The following PPM1E variants were observed in gnomAD, a reference collection of about 807,000 sequenced individuals.
PPM1E encodes the protein protein phosphatase, Mg2+/Mn2+ dependent 1E.
Under a neutral mutation model 65.9 loss-of-function variants are expected in PPM1E, and 20 were observed. The ratio of observed to expected loss-of-function variants is 0.30; its 90% confidence interval spans 0.21 to 0.44. PPM1E has a LOEUF of 0.44. Ranked by LOEUF, PPM1E falls within the 20% of genes least tolerant of loss-of-function variation. The pLI is 1.00. For synonymous variants in PPM1E, 352 were observed against 374.9 expected, an observed-to-expected ratio of 0.94 and a Z score of 0.70; for missense variants, 713 against 953.1, an observed-to-expected ratio of 0.75 and a Z score of 3.32.
intron 1 of PPM1E, among the ~76,000 whole-genome samples, chr17:58,818,258 A>G (rs1277785474): frequency 2.0e-5 from 3 of 152,174 alleles, no homozygotes; most frequent in Non-Finnish European, 4.4e-5. Context: ...CATTGTCTTT[A>G]TTTAACAAGT....
At chr17:58,808,807 T>A (rs908588037) in intron 1 of PPM1E, among the ~76,000 whole-genome samples, 1 of 152,096 alleles carries the variant, frequency 6.6e-6, no homozygotes, top group African/African-American at 2.4e-5. Context: ...TTGTTGGCAG[T>A]CACTCCTTGT....
intron 1 of PPM1E, among the ~76,000 whole-genome samples, chr17:58,805,980 A>AAAAAAAAAAAAAAAAAAAAAAC: frequency 9.3e-6 from 1 of 107,966 alleles, no homozygotes; most frequent in African/African-American, 4.2e-5. Context: ...AAAACAAAAA[A>AAAAAAAAAAAAAAAAAAAAAAC]AAAACAAAAC....
At position 58,984,133 on chromosome 17, in the gene PPM1E, T is replaced by G. The variant is rs563291303; in HGVS notation, c.*3102T>G. The G allele has an allele frequency of 5.3e-4, 81 of 152,802 alleles. No homozygotes were observed. Among genetic ancestry groups the G allele is most frequent in the Non-Finnish European group, 7.5e-4 (51 of 68,040 alleles). The allele number at this position is 152,802 out of a possible 1,614,324, so 9.5% of individuals were successfully genotyped here. On this transcript the variant is annotated 3_prime_UTR_variant, in exon 7 of 7. Transcript: ENST00000308249. ...GTGCCATCCATTGTCCTTGAATTAT[T>G]ATGATTAAAGTTACTGTTGCATTTA...
chr17:58,787,905 T>TAA (rs1284840531), intron 1 of PPM1E, among the ~76,000 whole-genome samples: 108 of 114,380 alleles, frequency 9.4e-4, no homozygotes, highest in Non-Finnish European at 1.4e-3. Context: ...AGACTCTGTC[T>TAA]AAAAAAAAAA....
At chr17:58,835,703 C>CA (rs1039718912) in intron 1 of PPM1E, among the ~76,000 whole-genome samples, 8 of 151,364 alleles carry the variant, frequency 5.3e-5, no homozygotes, top group African/African-American at 1.9e-4. Context: ...TCTATCTCTA[C>CA]AAAAAATTTT....
At chr17:58,938,439 A>G (rs899215400) in intron 1 of PPM1E, among the ~76,000 whole-genome samples, 8 of 152,156 alleles carry the variant, frequency 5.3e-5, no homozygotes, top group African/African-American at 1.9e-4. Flanking sequence ...GTGTGTAACT[A>G]TGTATTTTCA....
intron 1 of PPM1E, among the ~76,000 whole-genome samples, chr17:58,885,326 G>T (rs1698197005): frequency 6.6e-6 from 1 of 152,078 alleles, no homozygotes; most frequent in Admixed American, 6.6e-5. Context: ...CAAAGTGTTG[G>T]GATTACAGGC....
rs1203871842 is a variant in PPM1E at position 58,980,896 on chromosome 17, G to A, written c.2133G>A (p.Gly711=). ...GTSLSSLTGS[G]KRNRIRSSLP... ...GCCTGTCCTCACTTACTGGAAGTGG[G>A]AAGAGAAATAGGATAAGAAGTTCTC... The change falls in exon 7 of 7, where the codon GGG becomes GGA. Residue 711 remains glycine (G), a synonymous_variant. Transcript: ENST00000308249. This position sits in a 1 kb window ranked among gnomAD's most constrained non-coding sequence, Gnocchi z 4.7. The A allele has an allele frequency of 6.2e-7, 1 of 1,614,226 alleles. No individual in the cohort carries two copies. The highest frequency in any genetic ancestry group is 1.1e-5 in the South Asian group (1 of 91,084).
At chr17:58,805,985 C>CAAAA (rs1217000216) in intron 1 of PPM1E, among the ~76,000 whole-genome samples, 1 of 77,478 alleles carries the variant, frequency 1.3e-5, no homozygotes, top group Non-Finnish European at 2.4e-5. Context: ...AAAAAAAAAA[C>CAAAA]AAAACAAAAC....
At chr17:58,958,018 C>T (rs918855971) in intron 2 of PPM1E, among the ~76,000 whole-genome samples, 1 of 151,950 alleles carries the variant, frequency 6.6e-6, no homozygotes, top group African/African-American at 2.4e-5. Flanking sequence ...TGGCATGCAC[C>T]CGTAGCCCCA....
intron 1 of PPM1E, among the ~76,000 whole-genome samples, chr17:58,851,187 T>C (rs921789539): frequency 2.4e-4 from 36 of 152,186 alleles, no homozygotes; most frequent in Non-Finnish European, 2.6e-4. Context: ...TAATCTTTTT[T>C]CAAGGTTTTT....
chr17:58,824,843 C>T (rs1023571595), intron 1 of PPM1E, among the ~76,000 whole-genome samples: 2 of 151,220 alleles, frequency 1.3e-5, no homozygotes, highest in African/African-American at 2.4e-5. Context: ...CTCCTGACCT[C>T]GTGATCCGCC....
intron 1 of PPM1E, among the ~76,000 whole-genome samples, chr17:58,919,558 G>A (rs2051725578): frequency 6.6e-6 from 1 of 152,106 alleles, no homozygotes; most frequent in Non-Finnish European, 1.5e-5. Flanking sequence ...GGCCGAGATG[G>A]GAGGATCACC....
At chr17:58,763,295 A>G (rs1454139889) in intron 1 of PPM1E, among the ~76,000 whole-genome samples, 2 of 152,098 alleles carry the variant, frequency 1.3e-5, no homozygotes, top group Non-Finnish European at 2.9e-5. Flanking sequence ...AGGCATCAAC[A>G]TTTATCCAGC....
At chr17:58,856,761 A>C (rs993151075) in intron 1 of PPM1E, among the ~76,000 whole-genome samples, 8 of 152,214 alleles carry the variant, frequency 5.3e-5, no homozygotes, top group Non-Finnish European at 1.2e-4. Context: ...GAGAGGCTTC[A>C]ATAAATCAAC....
At position 58,756,084 on chromosome 17, in the gene PPM1E, C is replaced by CGAGCCG. The variant is rs773210434; in HGVS notation, c.96_101dup (p.Pro43_Glu44dup). Reference sequence around the variant, plus strand: ...AGTTTCGCGGACCGTGCGGCGGCGGCGAGCCGGAGCCGGAACCCGAACCCG... The same window carrying CGAGCCG: ...AGTTTCGCGGACCGTGCGGCGGCGGCGAGCCGGAGCCGGAGCCGGAACCCGAACCCG... On this transcript the variant is annotated inframe_insertion, in exon 1 of 7. Coordinates refer to ENST00000308249, the MANE Select transcript of PPM1E (RefSeq NM_014906.5). The CGAGCCG allele has an allele frequency of 2.4e-5, 38 of 1,593,964 alleles. No homozygotes were observed. The highest frequency in any genetic ancestry group is 3.0e-5 in the Non-Finnish European group (35 of 1,173,340).
At chr17:58,778,927 C>T (rs866066566) in intron 1 of PPM1E, among the ~76,000 whole-genome samples, 12 of 103,702 alleles carry the variant, frequency 1.2e-4, no homozygotes, top group South Asian at 3.1e-4. Context: ...ATGATACATA[C>T]ATATATATAT....
At chr17:58,859,941 C>G (rs944276354) in intron 1 of PPM1E, among the ~76,000 whole-genome samples, 4 of 152,174 alleles carry the variant, frequency 2.6e-5, no homozygotes, top group Non-Finnish European at 5.9e-5. Flanking sequence ...TTTATGATAG[C>G]TCAGGTTTCC....
chr17:58,955,673 T>C lies in PPM1E; in HGVS notation c.489T>C (p.Ala163=), dbSNP rs150678534. ...YKYNCPSFLA[A]ALARATSDEV... ...GTAATTGCCCTTCCTTTTTGGCTGCTGCTTTAGCCAGAGCCACATCAGATG... is the reference window on the plus strand; with the variant it reads ...GTAATTGCCCTTCCTTTTTGGCTGCCGCTTTAGCCAGAGCCACATCAGATG... Residue 163 remains alanine, a synonymous_variant, in exon 2 of 7, where the codon GCT becomes GCC. Coordinates refer to ENST00000308249, the MANE Select transcript of PPM1E (RefSeq NM_014906.5). The C allele has an allele frequency of 8.9e-5, 144 of 1,613,226 alleles. 1 individual carries two copies. The African/African-American group carries it at 1.7e-3, about 19-fold the overall frequency.
Sources: gnomAD v4.1 joint callset for allele counts (sites outside exome capture counted in the v4.1 genomes callset) on GRCh38, gnomAD v4.1.1 for gene constraint, Gnocchi (gnomAD v3.1) non-coding constraint, MANE v1.5 for transcripts, NCBI Gene and HGNC (gene_info 2026-07-23, HGNC 2026-07-21) for gene names.